Variants in TCF3 observed in about 807,000 individuals in gnomAD.
TCF3 encodes the protein transcription factor 3, also known as transcription factor E2-alpha.
TCF3 carries 54 observed loss-of-function variants against 72.3 expected under a neutral mutation model. The ratio of observed to expected loss-of-function variants is 0.75; its 90% CI spans 0.60 to 0.94. The LOEUF is 0.94. Among genes scored for constraint, TCF3 ranks in the 40% least tolerant of loss-of-function variants. The pLI, the probability that TCF3 is intolerant of heterozygous loss-of-function variation, is 0.00. For missense variants in TCF3, 1,078 were observed against 934.4 expected, an observed-to-expected ratio of 1.15 and a Z score of -2.00; for synonymous variants, 525 against 412.6, an observed-to-expected ratio of 1.27 and a Z score of -3.30.
chr19:1,650,221 C>T lies in TCF3; in HGVS notation c.28G>A (p.Val10Met). The change falls in exon 2 of 19, where the codon GTG becomes ATG. Residue 10 changes from valine (V) to methionine (M), a missense_variant. Transcript: ENST00000262965. ...TCACTGAGCTCCTTGTCTGTGCCCA[C>T]AGGCGCCATCCTCTGCGGCTGGTTC... MNQPQRMAP[V>M]GTDKELSDLL... The T allele has an allele frequency of 6.4e-7, 1 of 1,571,942 alleles. No individual in the cohort carries two copies. The highest frequency in any genetic ancestry group is 8.6e-7 in the Non-Finnish European group (1 of 1,159,886).
In TCF3 at chr19:1,615,854, G is replaced by T. The variant is rs756772223; in HGVS notation, c.1451-33C>A. ...AGGCCTAGGGTCAGGGGCCTGCGTC[G>T]GCCTCCAGGGCCAACTGACATATCT... On this transcript the variant is annotated intron_variant, in intron 16 of 18. Coordinates refer to ENST00000262965, the MANE Select transcript of TCF3 (RefSeq NM_003200.5). This position sits in a 1 kb window ranked among gnomAD's most constrained non-coding sequence, Gnocchi z 7.3. 1 of 1,503,094 alleles carries T rather than the reference G, an allele frequency of 6.7e-7. No individual in the cohort carries two copies. The highest frequency in any genetic ancestry group is 2.2e-5 in the Admixed American group (1 of 44,478). 93.1% of individuals were successfully genotyped at this position (1,503,094 alleles called of 1,614,324 possible). A position where few individuals can be genotyped will look rare whatever the true frequency, so the allele number is the denominator to read the frequency against.
chr19:1,619,751 G>GGGTGT (rs71757970), intron 14 of TCF3, 29 bp downstream of exon 14: 1 of 1,446,742 alleles, frequency 6.9e-7, no homozygotes. Context: ...TGTCGGGGAA[G>GGGTGT]GGTGGGGTGG....
At chr19:1,629,071 ACGGGGTGAGGCGGGAAGGGGACAG>A (rs2063351609) in intron 5 of TCF3, among the ~76,000 whole-genome samples, 1 of 64,404 alleles carries the variant, frequency 1.6e-5, no homozygotes, top group African/African-American at 1.0e-4. Context: ...AGCAGAGCTC[ACGGGGTGAGGCGGGAAGGGGACAG>A]CAGAGCTCAC....
At chr19:1,635,122 T>C (rs938299722) in intron 3 of TCF3, among the ~76,000 whole-genome samples, 26 of 152,234 alleles carry the variant, frequency 1.7e-4, no homozygotes, top group African/African-American at 5.5e-4. Context: ...GTACCGCCCC[T>C]GCCAAACCCT....
At chr19:1,632,709 ACT>A (rs965677765) in intron 3 of TCF3, among the ~76,000 whole-genome samples, 1 of 151,288 alleles carries the variant, frequency 6.6e-6, no homozygotes, top group African/African-American at 2.4e-5. Context: ...CAAAGACCTC[ACT>A]CTCACGCCGA....
intron 8 of TCF3, among the ~76,000 whole-genome samples, chr19:1,622,677 G>C (rs772573969): frequency 6.6e-6 from 1 of 152,102 alleles, no homozygotes; most frequent in African/African-American, 2.4e-5. Context: ...TTGAGGACTT[G>C]GATCTGGCTC....
At chr19:1,651,599 G>A (rs1016702973) in intron 1 of TCF3, among the ~76,000 whole-genome samples, 1 of 152,162 alleles carries the variant, frequency 6.6e-6, no homozygotes, top group African/African-American at 2.4e-5. Context: ...GAGAGACTTG[G>A]AGAATGTTTG....
At chr19:1,638,408 G>T (rs908849579) in intron 3 of TCF3, among the ~76,000 whole-genome samples, 6 of 152,028 alleles carry the variant, frequency 3.9e-5, no homozygotes, top group African/African-American at 1.2e-4. Flanking sequence ...TGGCTCTGTC[G>T]CCCAGGCTGG....
chr19:1,641,304 A>G (rs2065209729), intron 3 of TCF3, among the ~76,000 whole-genome samples: 1 of 152,118 alleles, frequency 6.6e-6, no homozygotes, highest in Non-Finnish European at 1.5e-5. Flanking sequence ...ATAGGATTCC[A>G]TTTACACAAA....
chr19:1,648,250 G>A (rs755095367), intron 2 of TCF3, among the ~76,000 whole-genome samples: 1 of 152,242 alleles, frequency 6.6e-6, no homozygotes, highest in African/African-American at 2.4e-5. Flanking sequence ...GGGGCAGAAG[G>A]CAGGCATGCA....
intron 1 of TCF3, chr19:1,651,435 GCGTGTGAAACTGACTTTTTTTGAGGA>G: frequency 4.4e-6 from 1 of 226,428 alleles, no homozygotes; most frequent in Non-Finnish European, 8.8e-6. Context: ...TTTTTGGAGG[GCGTGTGAAACTGACTTTTTTTGAGGA>G]CTACGAAACC....
chr19:1,621,945 A>G lies in TCF3; in HGVS notation c.848T>C (p.Val283Ala). Residue 283 changes from valine to alanine, a missense_variant, in exon 11 of 19, where the codon GTG becomes GCG. Physicochemically the swap from Val to Ala is moderately conservative, Grantham distance 64. Coordinates refer to ENST00000262965, the MANE Select transcript of TCF3 (RefSeq NM_003200.5). ...RMGYQLHGAE[V>A]NGGLPSASSF... is the part of the protein sequence containing the mutation. The stretch of plus-strand genomic sequence containing the variant: ...GGATGCAGATGGGAGCCCACCGTTC[A>G]CCTCTGCTCCATGCAGCTGGTAGCC... 6.2e-7 allele frequency: 1 copy of G among 1,604,778 alleles called. No individual in the cohort carries two copies. The highest frequency in any genetic ancestry group is 1.1e-5 in the South Asian group (1 of 89,768).
intron 3 of TCF3, among the ~76,000 whole-genome samples, chr19:1,638,002 A>C (rs895989856): frequency 6.6e-6 from 1 of 152,234 alleles, no homozygotes; most frequent in African/African-American, 2.4e-5. Context: ...TACCCTAAAA[A>C]ACGAGAAGAC....
Position 1,619,443 on chromosome 19 carries a change from G to C in TCF3, c.1199C>G (p.Ala400Gly), listed in dbSNP as rs1003354497. The C allele has an allele frequency of 6.3e-7, 1 of 1,588,914 alleles. No individual in the cohort carries two copies. Among genetic ancestry groups the C allele is most frequent in the Non-Finnish European group, 8.5e-7 (1 of 1,173,590 alleles). Residue 400 changes from alanine (A) to glycine (G), a missense_variant, in exon 15 of 19, where the codon GCC becomes GGC. Coordinates refer to ENST00000262965, the MANE Select transcript of TCF3 (RefSeq NM_003200.5). The stretch of plus-strand genomic sequence containing the variant: ...GGCGTGGCTGCGGAGCACGTGGATG[G>C]CCTCGTCCAGGTGGTCTTCTATCTT... ...QSKIEDHLDEAIHVLRSHAVG... is the reference protein window; with the variant it reads ...QSKIEDHLDEGIHVLRSHAVG...
At chr19:1,637,291 G>T (rs550241198) in intron 3 of TCF3, among the ~76,000 whole-genome samples, 1 of 148,740 alleles carries the variant, frequency 6.7e-6, no homozygotes, top group African/African-American at 2.6e-5. Context: ...CCAGAACCGG[G>T]GATGCCTGGC....
chr19:1,634,447 C>T (rs759066225), intron 3 of TCF3, among the ~76,000 whole-genome samples: 1 of 152,190 alleles, frequency 6.6e-6, no homozygotes, highest in Non-Finnish European at 1.5e-5. Context: ...GGCGCAGGGG[C>T]GCTGGGGAGA....
chr19:1,642,079 T>C (rs1051052908), intron 3 of TCF3, among the ~76,000 whole-genome samples: 2 of 149,878 alleles, frequency 1.3e-5, no homozygotes, highest in Non-Finnish European at 3.0e-5. Flanking sequence ...AAGAACAGAT[T>C]GGTGATTCCT....
chr19:1,630,865 G>A (rs1388144105), intron 5 of TCF3, among the ~76,000 whole-genome samples: 2 of 152,122 alleles, frequency 1.3e-5, no homozygotes, highest in South Asian at 2.1e-4. Context: ...TGACACTCCC[G>A]CAGGAGGCGG....
chr19:1,624,860 T>C (rs1270519955), intron 7 of TCF3, among the ~76,000 whole-genome samples: 1 of 152,156 alleles, frequency 6.6e-6, no homozygotes, highest in African/African-American at 2.4e-5. Flanking sequence ...ACGCTTATTT[T>C]TTTCAGGCAG....
Sources: gnomAD v4.1 joint callset for allele counts (sites outside exome capture counted in the v4.1 genomes callset) on GRCh38, gnomAD v4.1.1 for gene constraint, Gnocchi (gnomAD v3.1) non-coding constraint, MANE v1.5 for transcripts, NCBI Gene and HGNC (gene_info 2026-07-23, HGNC 2026-07-21) for gene names.